MCTP1: variants seen among roughly 807,000 people sequenced by gnomAD.
MCTP1 encodes the protein multiple C2 and transmembrane domain-containing protein 1.
A neutral mutation model predicts 120.6 loss-of-function variants in MCTP1; 69 were observed. The ratio of observed to expected loss-of-function variants is 0.57; its 90% CI spans 0.47 to 0.70. MCTP1 has a LOEUF of 0.70. MCTP1 is among the 30% of genes least tolerant of loss of function. MCTP1 has a pLI of 0.00. For synonymous variants in MCTP1, 529 were observed against 493.1 expected (o/e 1.07, Z -0.96); for missense variants, 1,203 against 1,248.8 (o/e 0.96, Z 0.55).
chr5:94,921,793 G>A (rs1811725660), intron 7 of MCTP1, among the ~76,000 whole-genome samples: 1 of 152,126 alleles, frequency 6.6e-6, no homozygotes, highest in Non-Finnish European at 1.5e-5. Context: ...ATCCATTGGT[G>A]GCTAACATAG....
intron 1 of MCTP1, among the ~76,000 whole-genome samples, chr5:95,168,436 G>T (rs965547924): frequency 6.6e-6 from 1 of 152,184 alleles, no homozygotes; most frequent in Non-Finnish European, 1.5e-5. Context: ...TGTGAAGAAA[G>T]TCATTGGTAG....
At chr5:94,751,150 C>T (rs551170353) in intron 19 of MCTP1, among the ~76,000 whole-genome samples, 1 of 152,098 alleles carries the variant, frequency 6.6e-6, no homozygotes, top group Admixed American at 6.6e-5. Flanking sequence ...CATAATATAA[C>T]TTTCCTGACA....
At chr5:95,078,310 T>A (rs1199702759) in intron 1 of MCTP1, among the ~76,000 whole-genome samples, 3 of 152,024 alleles carry the variant, frequency 2.0e-5, no homozygotes, top group Admixed American at 1.3e-4. Context: ...AACACAAAAT[T>A]CCCTAAAGCT....
intron 1 of MCTP1, among the ~76,000 whole-genome samples, chr5:95,146,228 T>C (rs913849598): frequency 2.0e-5 from 3 of 152,164 alleles, no homozygotes; most frequent in African/African-American, 7.2e-5. Flanking sequence ...GTAGGATCAG[T>C]TGTAATGCCA....
In MCTP1 at chr5:94,888,889, G is replaced by A. The variant is rs10053776; in HGVS notation, c.1923C>T (p.Ala641=). ...KVIRAEGLMA[A]DVTGKSDPFC... ...TGCATCATCTCTTACCAGTGACGTC[G>A]GCAGCCATTAACCCTTCCGCTCTGA... is the stretch of plus-strand genomic sequence containing the variant. The change falls in exon 12 of 23, where the codon GCC becomes GCT. Residue 641 remains alanine (A), a synonymous_variant. Coordinates refer to ENST00000515393, the MANE Select transcript of MCTP1 (RefSeq NM_024717.7). The A allele has an allele frequency of 5.8e-3, 9,403 of 1,609,892 alleles. 513 individuals carry two copies. The African/African-American group carries it at 0.11, about 19-fold the overall frequency.
chr5:94,977,555 C>A (rs1828398394), intron 2 of MCTP1, among the ~76,000 whole-genome samples: 1 of 152,042 alleles, frequency 6.6e-6, no homozygotes, highest in Non-Finnish European at 1.5e-5. Context: ...AGGCATCATA[C>A]TTCCTGATTC....
At chr5:95,004,222 T>TGTGGCCTGGCTGCTTCTAA (rs1253821758) in intron 2 of MCTP1, among the ~76,000 whole-genome samples, 2 of 152,194 alleles carry the variant, frequency 1.3e-5, no homozygotes, top group Non-Finnish European at 2.9e-5. Context: ...GCATTCAAGA[T>TGTGGCCTGGCTGCTTCTAA]GTGGCCTGGC....
chr5:94,832,807 T>C (rs1278867702), intron 17 of MCTP1, among the ~76,000 whole-genome samples: 1 of 152,190 alleles, frequency 6.6e-6, no homozygotes, highest in Non-Finnish European at 1.5e-5. Flanking sequence ...CCCTTTTCAT[T>C]GGGAGCCTAA....
intron 1 of MCTP1, among the ~76,000 whole-genome samples, chr5:95,074,778 C>A (rs898625530): frequency 6.6e-6 from 1 of 152,122 alleles, no homozygotes; most frequent in Non-Finnish European, 1.5e-5. Flanking sequence ...AAAAATGTTT[C>A]GTGGCCACAA....
At chr5:94,828,256 T>C (rs753258886) in intron 17 of MCTP1, among the ~76,000 whole-genome samples, 14 of 152,170 alleles carry the variant, frequency 9.2e-5, no homozygotes, top group Admixed American at 7.2e-4. Flanking sequence ...GGGTCCACCC[T>C]GTTTGCCTGG....
chr5:94,728,098 G>A (rs1488202577), intron 19 of MCTP1, among the ~76,000 whole-genome samples: 1 of 152,116 alleles, frequency 6.6e-6, no homozygotes. Context: ...ACTAGAACAG[G>A]CTCATTCTGA....
At position 95,165,391 on chromosome 5, in the gene MCTP1, G is replaced by A. The variant is rs138777665; in HGVS notation, c.720+118465C>T. Among the ~76,000 whole-genome samples the A allele has an allele frequency of 1.5e-3, 229 of 152,210 alleles. 1 individual carries two copies. The highest frequency in any genetic ancestry group is 5.1e-3 in the African/African-American group (212 of 41,524). On this transcript the variant is annotated intron_variant, in intron 1 of 22. Coordinates refer to ENST00000515393, the MANE Select transcript of MCTP1 (RefSeq NM_024717.7). ...GTGTACAATCTTTGATATTTAGTAC[G>A]CAGTAGAAATGAAGCTGACCTAGTT... is the stretch of plus-strand genomic sequence containing the variant.
At chr5:95,019,790 G>A (rs1837844783) in intron 1 of MCTP1, among the ~76,000 whole-genome samples, 3 of 151,912 alleles carry the variant, frequency 2.0e-5, no homozygotes, top group Admixed American at 2.0e-4. Context: ...GAGGAGTCTT[G>A]AAACCAGTGT....
intron 1 of MCTP1, among the ~76,000 whole-genome samples, chr5:95,265,916 A>G (rs1423620616): frequency 6.6e-6 from 1 of 152,188 alleles, no homozygotes; most frequent in African/African-American, 2.4e-5. Flanking sequence ...TAGATATCTC[A>G]GTCTCTGGCA....
chr5:94,939,782 T>G (rs1345352685), intron 5 of MCTP1, among the ~76,000 whole-genome samples: 1 of 152,060 alleles, frequency 6.6e-6, no homozygotes, highest in Non-Finnish European at 1.5e-5. Context: ...CTAATAAATG[T>G]ATTTCCCAAA....
chr5:94,708,377 A>G, intron 22 of MCTP1, 135 bp downstream of exon 22: 1 of 551,598 alleles, frequency 1.8e-6, no homozygotes, highest in East Asian at 3.0e-5. Flanking sequence ...TCTGACTGGT[A>G]AAATCTGCTA....
intron 1 of MCTP1, among the ~76,000 whole-genome samples, chr5:95,068,515 A>C (rs1450584160): frequency 1.2e-4 from 19 of 152,212 alleles, no homozygotes; most frequent in Admixed American, 1.2e-3. Flanking sequence ...ATGTGAAGAT[A>C]CCTTGCAGCT....
At chr5:94,948,471 G>A (rs1442297814) in intron 3 of MCTP1, among the ~76,000 whole-genome samples, 4 of 151,566 alleles carry the variant, frequency 2.6e-5, no homozygotes, top group Admixed American at 6.6e-5. Flanking sequence ...TTTTTTTTGG[G>A]TCCAAAATAG....
At chr5:94,964,285 A>G (rs1208836748) in intron 2 of MCTP1, among the ~76,000 whole-genome samples, 1 of 152,170 alleles carries the variant, frequency 6.6e-6, no homozygotes, top group Non-Finnish European at 1.5e-5. Context: ...CTAACATATG[A>G]TCTAACTGGA....
Sources: allele counts gnomAD v4.1 joint callset (sites outside exome capture counted in the v4.1 genomes callset), GRCh38; gene constraint gnomAD v4.1.1; transcripts MANE v1.5; gene names NCBI Gene and HGNC (gene_info 2026-07-23, HGNC 2026-07-21).